NBEAL1: variants seen among roughly 807,000 people sequenced by gnomAD.
NBEAL1 encodes the protein neurobeachin-like protein 1.
In NBEAL1, 273 loss-of-function variants were observed where a neutral mutation model predicts 351.3. The observed-to-expected ratio is 0.78, with a 90% confidence interval of 0.70 to 0.86. NBEAL1 has a LOEUF of 0.86. Ranked by LOEUF, NBEAL1 falls within the 40% of genes least tolerant of loss-of-function variation. The pLI is 0.00. For missense variants in NBEAL1, 2,961 were observed against 3,201.3 expected (o/e 0.92, Z 1.81); for synonymous variants, 1,050 against 1,086.4 (o/e 0.97, Z 0.66).
Position 203,107,672 on chromosome 2 carries a change from T to G in NBEAL1, c.1433T>G (p.Leu478Arg). Residue 478 changes from leucine to arginine, a missense_variant, in exon 14 of 56, where the codon CTT becomes CGT. By Grantham distance (102) the Leu-to-Arg change is moderately radical. Transcript: ENST00000683969. The stretch of plus-strand genomic sequence containing the variant: ...ATTAGTAATGTCCAACCTCTCTTGC[T>G]TCTTATCCAGTGGCTTCCAGAACTA... ...LGISNVQPLL[L>R]LIQWLPELQS... is the part of the protein sequence containing the mutation. The G allele has an allele frequency of 1.3e-6, 2 of 1,553,034 alleles. No homozygotes were observed. Among genetic ancestry groups the G allele is most frequent in the South Asian group, 2.4e-5 (2 of 84,130 alleles).
At chr2:203,110,308 A>C (rs749956467) in intron 15 of NBEAL1, 26 bp downstream of exon 15, 1 of 1,538,630 alleles carries the variant, frequency 6.5e-7, no homozygotes, top group Non-Finnish European at 8.8e-7. Context: ...ATCACATTTA[A>C]CTTCTAGTAT....
intron 3 of NBEAL1, among the ~76,000 whole-genome samples, chr2:203,043,469 A>T (rs1054396646): frequency 6.6e-6 from 1 of 152,186 alleles, no homozygotes; most frequent in Non-Finnish European, 1.5e-5. Flanking sequence ...GGCCGGGTGC[A>T]GTGGCTCACA....
chr2:203,111,403 G>A (rs149024310), intron 15 of NBEAL1, among the ~76,000 whole-genome samples: 7 of 151,580 alleles, frequency 4.6e-5, no homozygotes, highest in Non-Finnish European at 8.8e-5. Flanking sequence ...ACAGAGTCTC[G>A]CTCTGTCACC....
At chr2:203,046,867 A>G (rs1373850224) in intron 3 of NBEAL1, among the ~76,000 whole-genome samples, 2 of 152,134 alleles carry the variant, frequency 1.3e-5, no homozygotes, top group Admixed American at 6.5e-5. Flanking sequence ...TGAAAGCTCT[A>G]CCATTCCTTA....
At chr2:203,123,935 A>C (rs1575004625) in intron 19 of NBEAL1, among the ~76,000 whole-genome samples, 2 of 150,994 alleles carry the variant, frequency 1.3e-5, no homozygotes, top group East Asian at 3.8e-4. Flanking sequence ...CAAAGACCAA[A>C]AAAGTTAAAT....
Position 203,190,345 on chromosome 2 carries a change from G to C in NBEAL1, c.6877G>C (p.Gly2293Arg). ...TDEKERKALE[G>R]MINNFGQTPC... ...TGAGAAAGAAAGAAAAGCCTTAGAA[G>C]GGATGATTAATAATTTTGGGCAAAC... The change falls in exon 46 of 56, where the codon GGG (glycine) becomes CGG (arginine). Residue 2293 changes from glycine (G) to arginine (R), a missense_variant. Physicochemically the swap from Gly to Arg is moderately radical, Grantham distance 125. Transcript: ENST00000683969. The C allele has an allele frequency of 1.2e-6, 2 of 1,612,404 alleles. No homozygotes were observed. The highest frequency in any genetic ancestry group is 8.5e-7 in the Non-Finnish European group (1 of 1,179,640).
Position 203,175,231 on chromosome 2 carries a change from C to T in NBEAL1, c.6408C>T (p.His2136=), listed in dbSNP as rs2064463052. The part of the protein sequence containing the change: ...THYSNSAGVM[H]YLIRVEPFTT... ...ATTCAAATTCTGCGGGGGTCATGCA[C>T]TATCTCATTCGTGTAGAACCGTTCA... Residue 2136 remains histidine, a synonymous_variant, in exon 42 of 56, where the codon CAC becomes CAT. Coordinates refer to ENST00000683969, the MANE Select transcript of NBEAL1 (RefSeq NM_001378026.1). The T allele has an allele frequency of 6.2e-7, 1 of 1,613,954 alleles. No homozygotes were observed. The highest frequency in any genetic ancestry group is 8.5e-7 in the Non-Finnish European group (1 of 1,179,912).
chr2:203,057,844 T>C (rs1479275381), intron 6 of NBEAL1, among the ~76,000 whole-genome samples: 1 of 150,974 alleles, frequency 6.6e-6, no homozygotes, highest in African/African-American at 2.4e-5. Flanking sequence ...TTTTTGTTTT[T>C]TTGTCTTTTT....
chr2:203,190,277 T>G lies in NBEAL1; in HGVS notation c.6824-15T>G. 1 of 1,587,552 alleles carries G rather than the reference T, an allele frequency of 6.3e-7. No homozygotes were observed. Among genetic ancestry groups the G allele is most frequent in the Non-Finnish European group, 8.6e-7 (1 of 1,165,498 alleles). On this transcript the variant is annotated splice_polypyrimidine_tract_variant and intron_variant, in intron 45 of 55. Coordinates refer to ENST00000683969, the MANE Select transcript of NBEAL1 (RefSeq NM_001378026.1). ...TGTTTTCACTCTATAGTAAGTTGAC[T>G]TCTTCTGGTTTTAGGAGCTGTGGAT...
chr2:203,189,773 G>A (rs185720966), intron 45 of NBEAL1, among the ~76,000 whole-genome samples: 29 of 151,950 alleles, frequency 1.9e-4, no homozygotes, highest in African/African-American at 5.5e-4. Flanking sequence ...TGTTTGATGC[G>A]TTGCTGATTT....
At chr2:203,163,406 A>C (rs955196065) in intron 36 of NBEAL1, among the ~76,000 whole-genome samples, 1 of 152,166 alleles carries the variant, frequency 6.6e-6, no homozygotes, top group Non-Finnish European at 1.5e-5. Context: ...TAAAATTTAC[A>C]AACAGTAAAA....
intron 46 of NBEAL1, 89 bp downstream of exon 46, chr2:203,190,478 T>C: frequency 1.1e-6 from 1 of 882,586 alleles, no homozygotes; most frequent in Non-Finnish European, 1.8e-6. Flanking sequence ...GATCCATGTA[T>C]ATAGCCAGTT....
At chr2:203,126,785 T>A in intron 22 of NBEAL1, 39 bp from the exon 23 acceptor site, 1 of 1,538,658 alleles carries the variant, frequency 6.5e-7, no homozygotes, top group African/African-American at 1.4e-5. Context: ...ATTGACTTTA[T>A]TTTAGCTGAA....
chr2:203,029,096 G>A lies in NBEAL1; in HGVS notation c.51+12661G>A, dbSNP rs563548879. ...CACCTCCCGAGTTCCAGTGAGTCTC[G>A]TGCCTCAGTCTCCTGAGTAGCTGTG... On this transcript the variant is annotated intron_variant, in intron 2 of 55. Coordinates refer to ENST00000683969, the MANE Select transcript of NBEAL1 (RefSeq NM_001378026.1). Among the ~76,000 whole-genome samples the A allele has an allele frequency of 3.3e-5, 5 of 152,204 alleles. No homozygotes were observed. The South Asian group carries it at 8.3e-4, about 25-fold the overall frequency.
In NBEAL1 at chr2:203,107,788, A is replaced by G; in HGVS notation, c.1549A>G (p.Asn517Asp). Residue 517 changes from asparagine (N) to aspartate (D), a missense_variant, in exon 14 of 56, where the codon AAC becomes GAC. Coordinates refer to ENST00000683969, the MANE Select transcript of NBEAL1 (RefSeq NM_001378026.1). Reference protein sequence around the residue: ...RQSRTTCVNANMGIRIIETLD... With the variant: ...RQSRTTCVNADMGIRIIETLD... ...GAGTCGAACTACTTGTGTCAATGCA[A>G]ACATGGGGATTAGAATCATTGAAAC... 1 of 1,554,608 alleles carries G rather than the reference A, an allele frequency of 6.4e-7. No homozygotes were observed. Among genetic ancestry groups the G allele is most frequent in the Non-Finnish European group, 8.7e-7 (1 of 1,147,824 alleles).
At chr2:203,068,165 A>T (rs1020872166) in intron 6 of NBEAL1, among the ~76,000 whole-genome samples, 1 of 152,136 alleles carries the variant, frequency 6.6e-6, no homozygotes, top group African/African-American at 2.4e-5. Flanking sequence ...TTATTTGGAG[A>T]TTTAAACTAG....
chr2:203,188,103 T>C (rs1235902367), intron 44 of NBEAL1, among the ~76,000 whole-genome samples: 2 of 152,178 alleles, frequency 1.3e-5, no homozygotes, highest in East Asian at 3.8e-4. Context: ...TATTTTTTTT[T>C]CTTGAATTGA....
chr2:203,100,755 C>T (rs1472222220), intron 12 of NBEAL1, among the ~76,000 whole-genome samples: 1 of 151,968 alleles, frequency 6.6e-6, no homozygotes, highest in Non-Finnish European at 1.5e-5. Flanking sequence ...ACCACGTTGG[C>T]CAGGCTGGTC....
At position 203,151,619 on chromosome 2, in the gene NBEAL1, T is replaced by C. The variant is rs757640424; in HGVS notation, c.5587+30T>C. ...GTTCCAATGACTGTTTAATTGTTTG[T>C]TGAAGATAATGAGAGTGTTCGTGGG... On this transcript the variant is annotated intron_variant, in intron 35 of 55. Transcript: ENST00000683969. 35 of 1,565,774 alleles carry C rather than the reference T, an allele frequency of 2.2e-5. No individual in the cohort carries two copies. In the Admixed American group the frequency reaches 3.4e-4, roughly 15 times the overall value.
Sources: gnomAD v4.1 joint callset for allele counts (sites outside exome capture counted in the v4.1 genomes callset) on GRCh38, gnomAD v4.1.1 for gene constraint, MANE v1.5 for transcripts, NCBI Gene and HGNC (gene_info 2026-07-23, HGNC 2026-07-21) for gene names.